The following AUTS2 variants were observed in gnomAD, a reference collection of about 807,000 sequenced individuals.
AUTS2 encodes the protein activator of transcription and developmental regulator AUTS2, also known as autism susceptibility gene 2 protein.
In AUTS2, 17 loss-of-function variants were observed where a neutral mutation model predicts 112.4. The ratio of observed to expected loss-of-function variants is 0.15; its 90% CI spans 0.10 to 0.23. The LOEUF is 0.23. Among genes scored for constraint, AUTS2 ranks in the 10% least tolerant of loss-of-function variants. The pLI is 1.00. For missense variants in AUTS2, 1,510 were observed against 1,701.6 expected (o/e 0.89, Z 1.98); for synonymous variants, 751 against 702.7 (o/e 1.07, Z -1.09).
At chr7:70,440,744 G>T (rs919880776) in intron 5 of AUTS2, among the ~76,000 whole-genome samples, 6 of 152,220 alleles carry the variant, frequency 3.9e-5, no homozygotes, top group African/African-American at 1.4e-4. Flanking sequence ...AGAACCTGGA[G>T]CCAAGAGCAC....
intron 5 of AUTS2, among the ~76,000 whole-genome samples, chr7:70,608,937 A>G (rs28522029): frequency 0.21 from 31,981 of 152,204 alleles, 4,732 homozygotes; most frequent in African/African-American, 0.42. Flanking sequence ...AAATTTAAAT[A>G]CATTCATTTA....
chr7:69,839,788 AGTTGTT>A (rs752839122), intron 1 of AUTS2, among the ~76,000 whole-genome samples: 3 of 151,928 alleles, frequency 2.0e-5, no homozygotes, highest in Admixed American at 1.3e-4. Context: ...AGCCACCTGC[AGTTGTT>A]GTTGTTGTTG....
Position 69,765,892 on chromosome 7 carries a change from AG to A in AUTS2, c.310-133392del, listed in dbSNP as rs1164591083. The stretch of plus-strand genomic sequence containing the variant: ...AGCCCAGGAGGACAAGGCTGCAGTG[AG>A]GTGAGATCATGCCACTGCATTCCAG... On this transcript the variant is annotated intron_variant, in intron 1 of 18. Coordinates refer to ENST00000342771, the MANE Select transcript of AUTS2 (RefSeq NM_015570.4). Among the ~76,000 whole-genome samples the A allele has an allele frequency of 2.2e-4, 34 of 152,188 alleles. 1 individual carries two copies. The highest frequency in any genetic ancestry group is 3.5e-4 in the Non-Finnish European group (24 of 68,036).
At chr7:69,926,340 T>G (rs976864374) in intron 2 of AUTS2, among the ~76,000 whole-genome samples, 1 of 152,192 alleles carries the variant, frequency 6.6e-6, no homozygotes, top group African/African-American at 2.4e-5. Flanking sequence ...ACATAAACAT[T>G]TAGGGTTATG....
intron 1 of AUTS2, among the ~76,000 whole-genome samples, chr7:69,868,793 T>C (rs1793352383): frequency 6.6e-6 from 1 of 152,168 alleles, no homozygotes; most frequent in African/African-American, 2.4e-5. Flanking sequence ...ATCTTAGGCC[T>C]TTTGGGCCAT....
chr7:70,259,020 G>A (rs1562828412), intron 4 of AUTS2, among the ~76,000 whole-genome samples: 1 of 152,132 alleles, frequency 6.6e-6, no homozygotes, highest in Non-Finnish European at 1.5e-5. Flanking sequence ...ATTATGTGGT[G>A]CCCTTCAGGA....
At chr7:69,975,682 G>T (rs1245144360) in intron 2 of AUTS2, among the ~76,000 whole-genome samples, 1 of 147,062 alleles carries the variant, frequency 6.8e-6, no homozygotes, top group African/African-American at 2.5e-5. Flanking sequence ...TTTTTTAATT[G>T]TTTTTTTTTT....
intron 5 of AUTS2, among the ~76,000 whole-genome samples, chr7:70,488,323 C>T (rs1413893822): frequency 6.6e-6 from 1 of 152,226 alleles, no homozygotes; most frequent in Non-Finnish European, 1.5e-5. Context: ...ATCTGCCCAG[C>T]CTGGAGAGTG....
At chr7:69,685,420 C>G (rs1797018300) in intron 1 of AUTS2, among the ~76,000 whole-genome samples, 1 of 152,202 alleles carries the variant, frequency 6.6e-6, no homozygotes, top group African/African-American at 2.4e-5. Flanking sequence ...CAGTTTGCCA[C>G]CTCTCTACCA....
chr7:70,760,696 A>G (rs1358539814), intron 6 of AUTS2, among the ~76,000 whole-genome samples: 2 of 152,242 alleles, frequency 1.3e-5, no homozygotes, highest in African/African-American at 4.8e-5. Context: ...ATGGGGACCT[A>G]TCCGCAGCAA....
chr7:70,713,753 G>T (rs1351572591), intron 6 of AUTS2, among the ~76,000 whole-genome samples: 3 of 152,166 alleles, frequency 2.0e-5, no homozygotes, highest in Non-Finnish European at 4.4e-5. Flanking sequence ...AAATTAGCCG[G>T]GCGTGGTGGC....
intron 6 of AUTS2, among the ~76,000 whole-genome samples, chr7:70,728,195 G>A (rs955842585): frequency 6.6e-6 from 1 of 152,108 alleles, no homozygotes; most frequent in Non-Finnish European, 1.5e-5. Context: ...GCTTTGTGAT[G>A]CTGTCCTGAT....
chr7:70,072,365 T>C (rs1343702994), intron 2 of AUTS2, among the ~76,000 whole-genome samples: 1 of 152,170 alleles, frequency 6.6e-6, no homozygotes, highest in African/African-American at 2.4e-5. Context: ...TGGATATATA[T>C]ACAGTACTTG....
intron 5 of AUTS2, among the ~76,000 whole-genome samples, chr7:70,623,216 C>G (rs1178601504): frequency 6.6e-6 from 1 of 152,184 alleles, no homozygotes; most frequent in Non-Finnish European, 1.5e-5. Flanking sequence ...TGTACTTGGT[C>G]AATACTAAAT....
chr7:70,581,335 G>A (rs1312018736), intron 5 of AUTS2, among the ~76,000 whole-genome samples: 3 of 152,258 alleles, frequency 2.0e-5, no homozygotes, highest in Admixed American at 6.5e-5. Flanking sequence ...GTGGTGAGCC[G>A]AGATTGCGCC....
chr7:70,055,822 A>G (rs374957495), intron 2 of AUTS2, among the ~76,000 whole-genome samples: 48 of 152,270 alleles, frequency 3.2e-4, no homozygotes, highest in East Asian at 2.5e-3. Flanking sequence ...TCTGTTAGTC[A>G]GATGTACCAA....
intron 4 of AUTS2, among the ~76,000 whole-genome samples, chr7:70,361,608 A>G (rs1792271244): frequency 6.6e-6 from 1 of 152,156 alleles, no homozygotes; most frequent in Admixed American, 6.5e-5. Context: ...CACCATTTGA[A>G]TTCTCTAGCA....
chr7:70,752,601 C>G (rs1419353870), intron 6 of AUTS2, among the ~76,000 whole-genome samples: 2 of 152,130 alleles, frequency 1.3e-5, no homozygotes, highest in African/African-American at 2.4e-5. Flanking sequence ...TACCATTTCC[C>G]TATTTTTTTC....
chr7:69,685,034 A>C (rs1457325305), intron 1 of AUTS2, among the ~76,000 whole-genome samples: 1 of 152,186 alleles, frequency 6.6e-6, no homozygotes, highest in African/African-American at 2.4e-5. Flanking sequence ...TCTCCTGCTT[A>C]AAAACTTTAG....
Sources: gnomAD v4.1 joint callset for allele counts (sites outside exome capture counted in the v4.1 genomes callset) on GRCh38, gnomAD v4.1.1 for gene constraint, MANE v1.5 for transcripts, NCBI Gene and HGNC (gene_info 2026-07-23, HGNC 2026-07-21) for gene names.